Variants in RMND5A observed in about 807,000 individuals in gnomAD.
RMND5A encodes required for meiotic nuclear division 5 homolog A.
A neutral mutation model predicts 49.7 loss-of-function variants in RMND5A; 17 were observed. That is an observed-to-expected ratio of 0.34 (90% confidence interval 0.23 to 0.51). The LOEUF is 0.51. Among genes scored for constraint, RMND5A ranks in the 20% least tolerant of loss-of-function variants. The pLI, the probability that RMND5A is intolerant of heterozygous loss-of-function variation, is 0.96. For missense variants in RMND5A, 255 were observed against 471.3 expected (o/e 0.54, Z 4.25); for synonymous variants, 156 against 167.7 (o/e 0.93, Z 0.54).
chr2:86,742,830 G>A (rs944364398), intron 2 of RMND5A, among the ~76,000 whole-genome samples: 3 of 150,776 alleles, frequency 2.0e-5, no homozygotes, highest in African/African-American at 7.3e-5. Context: ...TAGAACCAAA[G>A]GTGGTATGAC....
chr2:86,757,865 A>G (rs1477448864), intron 4 of RMND5A, among the ~76,000 whole-genome samples: 1 of 152,228 alleles, frequency 6.6e-6, no homozygotes, highest in Non-Finnish European at 1.5e-5. Flanking sequence ...AGTTTGGATT[A>G]TTAGGGGCTG....
At chr2:86,728,171 T>C (rs1681299881) in intron 1 of RMND5A, among the ~76,000 whole-genome samples, 1 of 81,650 alleles carries the variant, frequency 1.2e-5, no homozygotes. Flanking sequence ...AGAAACATTA[T>C]TCATGGCCCT....
At chr2:86,732,133 G>A (rs1681342312) in intron 1 of RMND5A, among the ~76,000 whole-genome samples, 4 of 103,190 alleles carry the variant, frequency 3.9e-5, no homozygotes, top group Non-Finnish European at 5.4e-5. Context: ...TTGACTCGTG[G>A]GCAGCATGTA....
At chr2:86,749,494 G>T (rs1482457834) in intron 2 of RMND5A, among the ~76,000 whole-genome samples, 2 of 151,682 alleles carry the variant, frequency 1.3e-5, no homozygotes, top group African/African-American at 4.8e-5. Context: ...GGGTTCAAGC[G>T]ATTCTCCTTC....
chr2:86,753,936 G>T (rs1251599251), intron 4 of RMND5A, among the ~76,000 whole-genome samples: 1 of 152,162 alleles, frequency 6.6e-6, no homozygotes, highest in Non-Finnish European at 1.5e-5. Flanking sequence ...AGCATTCTAA[G>T]AAATTATTGG....
chr2:86,766,678 A>AAG (rs1558726652), intron 6 of RMND5A, among the ~76,000 whole-genome samples: 1 of 151,168 alleles, frequency 6.6e-6, no homozygotes, highest in East Asian at 1.9e-4. Context: ...AAAAAAAAAA[A>AAG]AAAAGAAAAG....
At chr2:86,772,307 T>C (rs1672696598) in intron 8 of RMND5A, among the ~76,000 whole-genome samples, 1 of 151,810 alleles carries the variant, frequency 6.6e-6, no homozygotes, top group African/African-American at 2.4e-5. Flanking sequence ...AACAAAAAAT[T>C]AGCCGGGTGT....
intron 4 of RMND5A, among the ~76,000 whole-genome samples, chr2:86,756,575 A>G (rs1401776497): frequency 6.6e-6 from 1 of 152,182 alleles, no homozygotes; most frequent in Non-Finnish European, 1.5e-5. Context: ...TCATTACAAC[A>G]ATTCAGATTT....
At chr2:86,773,098 A>AG (rs1672709789) in intron 8 of RMND5A, among the ~76,000 whole-genome samples, 1 of 152,210 alleles carries the variant, frequency 6.6e-6, no homozygotes. Context: ...TTTCCAGAAA[A>AG]GTTACCTTTG....
At chr2:86,764,530 C>T (rs1396875668) in intron 4 of RMND5A, among the ~76,000 whole-genome samples, 1 of 152,172 alleles carries the variant, frequency 6.6e-6, no homozygotes, top group Non-Finnish European at 1.5e-5. Context: ...CTTTATCTTC[C>T]TGATCAGATT....
chr2:86,770,481 T>G (rs1672669404), intron 7 of RMND5A, among the ~76,000 whole-genome samples: 1 of 152,252 alleles, frequency 6.6e-6, no homozygotes, highest in Non-Finnish European at 1.5e-5. Context: ...GTTTTACTTT[T>G]GTCTTAACTA....
chr2:86,749,303 G>T (rs554361559), intron 2 of RMND5A, among the ~76,000 whole-genome samples: 52 of 152,188 alleles, frequency 3.4e-4, no homozygotes, highest in Non-Finnish European at 6.3e-4. Context: ...ACAAGCAGTT[G>T]TGGTTCTTCA....
intron 1 of RMND5A, among the ~76,000 whole-genome samples, chr2:86,732,073 A>AT (rs1193623126): frequency 2.1e-5 from 2 of 93,496 alleles, no homozygotes; most frequent in Non-Finnish European, 4.0e-5. Context: ...GTGCCTCCCT[A>AT]TTTTTTTATA....
At chr2:86,740,485 G>C (rs1266052106) in intron 1 of RMND5A, among the ~76,000 whole-genome samples, 2 of 64,446 alleles carry the variant, frequency 3.1e-5, no homozygotes, top group Non-Finnish European at 6.1e-5. Context: ...AGGGAAGTTT[G>C]TTTTCTTCTA....
intron 2 of RMND5A, among the ~76,000 whole-genome samples, chr2:86,746,270 T>C: frequency 6.6e-6 from 1 of 152,200 alleles, no homozygotes; most frequent in Non-Finnish European, 1.5e-5. Context: ...AATATTAATA[T>C]CTCTGCATGC....
At chr2:86,729,177 GAA>G (rs1681319462) in intron 1 of RMND5A, among the ~76,000 whole-genome samples, 1 of 152,236 alleles carries the variant, frequency 6.6e-6, no homozygotes. Flanking sequence ...AAAGGTATAA[GAA>G]AGAGTCTTTA....
chr2:86,747,335 A>AT (rs372468949), intron 2 of RMND5A, among the ~76,000 whole-genome samples: 1 of 151,844 alleles, frequency 6.6e-6, no homozygotes, highest in Non-Finnish European at 1.5e-5. Flanking sequence ...TGTTCTGTCC[A>AT]TTTTTTCTGT....
intron 4 of RMND5A, among the ~76,000 whole-genome samples, chr2:86,755,232 C>T (rs952614119): frequency 6.6e-6 from 1 of 151,972 alleles, no homozygotes; most frequent in African/African-American, 2.4e-5. Context: ...AATCCTCCTG[C>T]CCCGGCCTCC....
At chr2:86,771,442 T>G (rs1672683511) in intron 7 of RMND5A, 116 bp from the exon 8 acceptor site, 5 of 829,646 alleles carry the variant, frequency 6.0e-6, no homozygotes, top group African/African-American at 1.7e-5. Context: ...TATAGAAAGT[T>G]ACATTCAGGT....
Sources: gnomAD v4.1 joint callset for allele counts (sites outside exome capture counted in the v4.1 genomes callset) on GRCh38, gnomAD v4.1.1 for gene constraint, MANE v1.5 for transcripts, NCBI Gene and HGNC (gene_info 2026-07-23, HGNC 2026-07-21) for gene names.